The following RTN3 variants were observed in gnomAD, a reference collection of about 807,000 sequenced individuals.
RTN3 encodes the protein reticulon 3.
A neutral mutation model predicts 77.8 loss-of-function variants in RTN3; 49 were observed. That is an observed-to-expected ratio of 0.63 (90% CI 0.50 to 0.80). RTN3 has a LOEUF of 0.80. Among genes scored for constraint, RTN3 ranks in the 30% least tolerant of loss-of-function variants. RTN3 has a pLI of 0.00. For missense variants in RTN3, 1,236 were observed against 1,211.9 expected (o/e 1.02, Z -0.29); for synonymous variants, 464 against 446.9 (o/e 1.04, Z -0.48).
intron 3 of RTN3, among the ~76,000 whole-genome samples, chr11:63,729,821 G>A (rs537194280): frequency 4.6e-5 from 7 of 151,366 alleles, no homozygotes; most frequent in South Asian, 4.2e-4. Context: ...ACAGGGTCTC[G>A]CTCTGTCACC....
chr11:63,715,144 T>C (rs1208660416), intron 2 of RTN3, among the ~76,000 whole-genome samples: 1 of 152,226 alleles, frequency 6.6e-6, no homozygotes, highest in East Asian at 1.9e-4. Flanking sequence ...TTTTGCTTAT[T>C]GATTTTGCTT....
chr11:63,738,966 C>G (rs1013025107), intron 3 of RTN3, among the ~76,000 whole-genome samples: 8 of 152,096 alleles, frequency 5.3e-5, no homozygotes, highest in African/African-American at 1.9e-4. Flanking sequence ...AACTTGGGTA[C>G]TGCAGCCGGC....
chr11:63,712,931 A>C (rs866478197), intron 2 of RTN3, among the ~76,000 whole-genome samples: 1 of 152,072 alleles, frequency 6.6e-6, no homozygotes, highest in African/African-American at 2.4e-5. Flanking sequence ...CTCCGTCTCT[A>C]CTAAAAATAC....
chr11:63,720,875 C>T lies in RTN3; in HGVS notation c.2373C>T (p.Asp791=). The T allele has an allele frequency of 6.2e-7, 1 of 1,614,070 alleles. No homozygotes were observed. Among genetic ancestry groups the T allele is most frequent in the Non-Finnish European group, 8.5e-7 (1 of 1,180,016 alleles). ...AATCTTGGCCACAGAGATCATATGACATCCTAGAACGTAATGTCAAGAATG... is the reference window on the plus strand; with the variant it reads ...AATCTTGGCCACAGAGATCATATGATATCCTAGAACGTAATGTCAAGAATG... ...APESWPQRSY[D]ILERNVKNGS... is the part of the protein sequence containing the mutation. The change falls in exon 3 of 9, where the codon GAC becomes GAT. Residue 791 remains aspartate (D), a synonymous_variant. Coordinates refer to ENST00000377819, the MANE Select transcript of RTN3 (RefSeq NM_001265589.2).
chr11:63,727,060 C>T (rs1244870230), intron 3 of RTN3, among the ~76,000 whole-genome samples: 1 of 151,344 alleles, frequency 6.6e-6, no homozygotes, highest in Non-Finnish European at 1.5e-5. Context: ...GCATGGTGGC[C>T]TGTGCCTGTA....
At chr11:63,716,979 C>CAAA (rs6144367) in intron 2 of RTN3, among the ~76,000 whole-genome samples, 2,330 of 120,164 alleles carry the variant, frequency 0.019, 39 homozygotes, top group Non-Finnish European at 0.025. Context: ...AAAAAAAAAA[C>CAAA]AAAAAAAAAA....
chr11:63,689,638 T>G (rs1386252227), intron 1 of RTN3, among the ~76,000 whole-genome samples: 3 of 152,120 alleles, frequency 2.0e-5, no homozygotes, highest in Non-Finnish European at 2.9e-5. Flanking sequence ...CTTACCTGTT[T>G]TCTCCAATCA....
intron 3 of RTN3, among the ~76,000 whole-genome samples, chr11:63,732,819 A>G (rs929521922): frequency 5.9e-5 from 9 of 152,210 alleles, no homozygotes; most frequent in East Asian, 1.9e-4. Context: ...TATGTCATAT[A>G]TAATACATAT....
chr11:63,756,005 G>A lies in RTN3; in HGVS notation c.2995-107G>A, dbSNP rs1365754846. 12 of 778,988 alleles carry A rather than the reference G, an allele frequency of 1.5e-5. No homozygotes were observed. In the Admixed American group the frequency reaches 2.4e-4, roughly 16 times the overall value. 48.3% of individuals were successfully genotyped at this position (778,988 alleles called of 1,614,324 possible). A position where few individuals can be genotyped will look rare whatever the true frequency, so the allele number is the denominator to read the frequency against. On this transcript the variant is annotated intron_variant, in intron 7 of 8. Coordinates refer to ENST00000377819, the MANE Select transcript of RTN3 (RefSeq NM_001265589.2). ...ACTGGGTGTTTTCATTTTCTACACT[G>A]GTCAGTCGTGTTTAAAAAATGGTTA...
intron 1 of RTN3, among the ~76,000 whole-genome samples, chr11:63,683,955 T>C (rs1941209490): frequency 8.1e-6 from 1 of 123,202 alleles, no homozygotes; most frequent in South Asian, 2.9e-4. Context: ...TTTTTTTTTT[T>C]TTTTTTTTTT....
At chr11:63,705,781 C>CTTTGT (rs748395386) in intron 2 of RTN3, among the ~76,000 whole-genome samples, 12 of 152,228 alleles carry the variant, frequency 7.9e-5, no homozygotes, top group East Asian at 3.9e-4. Context: ...TGAGTTGTGG[C>CTTTGT]TTTGTTTTGT....
Position 63,681,568 on chromosome 11 carries a change from T to C in RTN3, c.-69T>C. ...TTGAGCGAGCCAGTTGCCGGATTAT[T>C]CTATTTCCCCTCCCTCTCTCCCGCC... On this transcript the variant is annotated 5_prime_UTR_variant, in exon 1 of 9. Coordinates refer to ENST00000377819, the MANE Select transcript of RTN3 (RefSeq NM_001265589.2). 1.4e-6 allele frequency: 2 copies of C among 1,466,070 alleles called. No homozygotes were observed. Among genetic ancestry groups the C allele is most frequent in the Non-Finnish European group, 1.8e-6 (2 of 1,094,854 alleles). 90.8% of individuals were successfully genotyped at this position (1,466,070 alleles called of 1,614,324 possible).
At chr11:63,729,349 G>A (rs576745448) in intron 3 of RTN3, among the ~76,000 whole-genome samples, 16 of 150,720 alleles carry the variant, frequency 1.1e-4, no homozygotes, top group African/African-American at 1.5e-4. Flanking sequence ...TTGTAATAAC[G>A]TGTATAGAGG....
chr11:63,716,747 C>T (rs1000605591), intron 2 of RTN3, among the ~76,000 whole-genome samples: 41 of 152,154 alleles, frequency 2.7e-4, no homozygotes, highest in African/African-American at 9.4e-4. Context: ...AGGCGGATCA[C>T]GGGGTCAGGA....
intron 3 of RTN3, among the ~76,000 whole-genome samples, chr11:63,746,663 C>G (rs760334713): frequency 6.6e-6 from 1 of 151,914 alleles, no homozygotes; most frequent in Non-Finnish European, 1.5e-5. Flanking sequence ...TATGGGCACC[C>G]GCCACCACGC....
Position 63,697,532 on chromosome 11 carries a change from A to G in RTN3, c.143-7319A>G, listed in dbSNP as rs200855362. 1.1e-4 allele frequency among the ~76,000 whole-genome samples: 16 copies of G among 151,706 alleles called. No individual in the cohort carries two copies. In the East Asian group the frequency reaches 1.9e-3, roughly 18 times the overall value. ...CTCTTATCCCCCAGGCTGGAGTGCA[A>G]TGGTGCGATACTGGCTCACTGCAAC... On this transcript the variant is annotated intron_variant, in intron 1 of 8. Coordinates refer to ENST00000377819, the MANE Select transcript of RTN3 (RefSeq NM_001265589.2).
In RTN3 at chr11:63,720,924, A is replaced by G. The variant is rs375610947; in HGVS notation, c.2422A>G (p.Lys808Glu). ...TGGATCTGATCTTGGGATTTCCCAG[A>G]AGCCCATCACTATCAGAGAAACTAC... Reference protein sequence around the residue: ...KNGSDLGISQKPITIRETTRV... With the variant: ...KNGSDLGISQEPITIRETTRV... The change falls in exon 3 of 9, where the codon AAG becomes GAG. Residue 808 changes from lysine (K) to glutamate (E), a missense_variant. Lys to Glu is a moderately conservative substitution (Grantham distance 56). Around this residue, in one of 3 missense-constraint regions of RTN3, gnomAD observed 1,056 missense variants for 990.4 expected, o/e 1.07. Transcript: ENST00000377819. The G allele has an allele frequency of 1.2e-6, 2 of 1,614,028 alleles. No homozygotes were observed. The highest frequency in any genetic ancestry group is 2.7e-5 in the African/African-American group (2 of 74,938).
At chr11:63,724,377 G>T (rs565204353) in intron 3 of RTN3, among the ~76,000 whole-genome samples, 6 of 147,846 alleles carry the variant, frequency 4.1e-5, no homozygotes, top group South Asian at 2.1e-4. Flanking sequence ...TACAGACGGG[G>T]TTTCACCATG....
Position 63,716,202 on chromosome 11 carries a change from T to TTA in RTN3, c.200-2496_200-2495dup, listed in dbSNP as rs534638889. On this transcript the variant is annotated intron_variant, in intron 2 of 8. Coordinates refer to ENST00000377819, the MANE Select transcript of RTN3 (RefSeq NM_001265589.2). Reference sequence around the variant, plus strand: ...AGTGATGTGTTGAAGTAGGGGAACTTTATATGGCATTTCAAAACATTTTCA... The same window carrying TTA: ...AGTGATGTGTTGAAGTAGGGGAACTTTATATATGGCATTTCAAAACATTTTCA... Among the ~76,000 whole-genome samples, 32 of 152,362 alleles carry TTA rather than the reference T, an allele frequency of 2.1e-4. No individual in the cohort carries two copies. The South Asian group carries it at 3.1e-3, about 15-fold the overall frequency.
Sources: allele counts gnomAD v4.1 joint callset (sites outside exome capture counted in the v4.1 genomes callset), GRCh38; gene constraint gnomAD v4.1.1; regional missense constraint gnomAD v4.1.1; transcripts MANE v1.5; gene names NCBI Gene and HGNC (gene_info 2026-07-23, HGNC 2026-07-21).